Variants in MAP3K7CL observed in about 807,000 individuals in gnomAD.
The protein encoded by MAP3K7CL is MAP3K7 C-terminal-like protein.
MAP3K7CL carries 16 observed loss-of-function variants against 18.6 expected under a neutral mutation model. That is an observed-to-expected ratio of 0.86 (90% CI 0.58 to 1.31). The LOEUF is 1.31. Ranked by LOEUF, MAP3K7CL falls within the 50% of genes most tolerant of loss-of-function variation. The pLI, the probability that MAP3K7CL is intolerant of heterozygous loss-of-function variation, is 0.00. For synonymous variants in MAP3K7CL, 65 were observed against 66.8 expected, an observed-to-expected ratio of 0.97 and a Z score of 0.13; for missense variants, 163 against 174.4, an observed-to-expected ratio of 0.93 and a Z score of 0.37.
upstream of MAP3K7CL, among the ~76,000 whole-genome samples, chr21:29,126,208 C>T (rs1191550185): frequency 1.3e-5 from 2 of 152,172 alleles, no homozygotes; most frequent in African/African-American, 2.4e-5. Context: ...ACTGGATGTT[C>T]GATCTGGAGA....
upstream of MAP3K7CL, among the ~76,000 whole-genome samples, chr21:29,125,873 C>T (rs763181289): frequency 9.2e-5 from 14 of 152,156 alleles, no homozygotes; most frequent in Non-Finnish European, 1.3e-4. Flanking sequence ...GAACAGGTCC[C>T]GTGGCACTTT....
intron 4 of MAP3K7CL, among the ~76,000 whole-genome samples, chr21:29,120,559 C>T (rs908348716): frequency 3.9e-5 from 6 of 152,134 alleles, no homozygotes; most frequent in African/African-American, 1.4e-4. Flanking sequence ...GTATTTGCCC[C>T]ACATAATTCA....
intron 4 of MAP3K7CL, among the ~76,000 whole-genome samples, chr21:29,114,597 C>T (rs892438427): frequency 3.3e-5 from 5 of 151,362 alleles, no homozygotes; most frequent in Non-Finnish European, 5.9e-5. Flanking sequence ...TGCTATGTTG[C>T]CCAGGCTGGT....
chr21:29,091,556 G>T, exon 2 of MAP3K7CL: 3 of 701,492 alleles, frequency 4.3e-6, no homozygotes, highest in Non-Finnish European at 7.8e-6. Context: ...GCTCACTACA[G>T]CCCTGACCTC....
intron 3 of MAP3K7CL, among the ~76,000 whole-genome samples, chr21:29,151,590 A>G (rs961244750): frequency 1.4e-4 from 21 of 152,214 alleles, no homozygotes; most frequent in African/African-American, 4.6e-4. Flanking sequence ...TGTCAAAGCT[A>G]TTTTATTATC....
At chr21:29,099,815 G>A (rs1376075668) in intron 4 of MAP3K7CL, among the ~76,000 whole-genome samples, 1 of 152,118 alleles carries the variant, frequency 6.6e-6, no homozygotes, top group Non-Finnish European at 1.5e-5. Context: ...CGGGCGCAGT[G>A]GCTCACGCCT....
chr21:29,107,622 G>A lies in MAP3K7CL; in HGVS notation c.370+15041G>A, dbSNP rs549739052. Among the ~76,000 whole-genome samples the A allele has an allele frequency of 2.5e-4, 38 of 152,258 alleles. No homozygotes were observed. The South Asian group carries it at 6.0e-3, about 24-fold the overall frequency. ...CCCACCTGTCTTTGGAAGTTGTCAC[G>A]TGGGGATGTGGTATCTTGAGCTGCA... On this transcript the variant is annotated intron_variant, in intron 4 of 6. Coordinates refer to the MAP3K7CL transcript ENST00000286791.
chr21:29,120,041 T>C (rs2086566465), intron 4 of MAP3K7CL, among the ~76,000 whole-genome samples: 1 of 152,224 alleles, frequency 6.6e-6, no homozygotes, highest in South Asian at 2.1e-4. Context: ...TTTAGAATAT[T>C]GAACATTAGT....
chr21:29,091,857 T>TTG (rs2086035170), intron 3 of MAP3K7CL: 1 of 626,394 alleles, frequency 1.6e-6, no homozygotes, highest in Admixed American at 2.7e-5. Context: ...TATGTATTAA[T>TTG]TGTTTATACA....
At chr21:29,169,280 T>C (rs943764452) in intron 4 of MAP3K7CL, among the ~76,000 whole-genome samples, 1 of 152,174 alleles carries the variant, frequency 6.6e-6, no homozygotes, top group Non-Finnish European at 1.5e-5. Flanking sequence ...CCAATAGATA[T>C]TAGTACATTT....
At chr21:29,158,034 G>T (rs761291978) in intron 3 of MAP3K7CL, among the ~76,000 whole-genome samples, 1 of 152,168 alleles carries the variant, frequency 6.6e-6, no homozygotes, top group East Asian at 1.9e-4. Flanking sequence ...ACTGAGTATA[G>T]CCTGTGTGGT....
At chr21:29,077,307 G>A (rs1392478472), upstream of MAP3K7CL, among the ~76,000 whole-genome samples, 3 of 152,256 alleles carry the variant, frequency 2.0e-5, no homozygotes, top group Non-Finnish European at 4.4e-5. Context: ...CTGCCCTGCA[G>A]GAAGACAGCT....
intron 4 of MAP3K7CL, among the ~76,000 whole-genome samples, chr21:29,123,050 A>ATTTT (rs2086622524): frequency 2.3e-5 from 3 of 129,348 alleles, no homozygotes; most frequent in Admixed American, 1.7e-4. Flanking sequence ...TGGAGAAGAA[A>ATTTT]TGATCTTTTT....
chr21:29,119,076 T>C (rs2086550588), intron 4 of MAP3K7CL, among the ~76,000 whole-genome samples: 1 of 152,190 alleles, frequency 6.6e-6, no homozygotes, highest in Admixed American at 6.5e-5. Context: ...CCATGGAGGA[T>C]GAGGATTTGG....
At chr21:29,098,090 C>T (rs949153449) in intron 4 of MAP3K7CL, among the ~76,000 whole-genome samples, 1 of 152,136 alleles carries the variant, frequency 6.6e-6, no homozygotes, top group Non-Finnish European at 1.5e-5. Flanking sequence ...TGCCAAGAGG[C>T]ACATGAGGCT....
At chr21:29,114,650 C>G (rs2086475495) in intron 4 of MAP3K7CL, among the ~76,000 whole-genome samples, 1 of 152,166 alleles carries the variant, frequency 6.6e-6, no homozygotes, top group African/African-American at 2.4e-5. Context: ...CTTGGCTTCC[C>G]AAAGTGCTGG....
At chr21:29,167,513 G>T (rs1222516871) in intron 4 of MAP3K7CL, among the ~76,000 whole-genome samples, 1 of 147,388 alleles carries the variant, frequency 6.8e-6, no homozygotes, top group Non-Finnish European at 1.5e-5. Context: ...TTTATTCTGA[G>T]ATTTCTAATA....
chr21:29,116,476 C>T (rs2086507354), intron 4 of MAP3K7CL, among the ~76,000 whole-genome samples: 1 of 152,214 alleles, frequency 6.6e-6, no homozygotes, highest in Non-Finnish European at 1.5e-5. Flanking sequence ...TTCTTTCCTA[C>T]TGCCCATGTA....
chr21:29,125,456 G>A (rs746955597), intron 4 of MAP3K7CL, among the ~76,000 whole-genome samples: 1 of 152,116 alleles, frequency 6.6e-6, no homozygotes, highest in Non-Finnish European at 1.5e-5. Flanking sequence ...GAGCTTTGGG[G>A]GCACGAATGA....
Sources: allele counts gnomAD v4.1 joint callset (sites outside exome capture counted in the v4.1 genomes callset), GRCh38; gene constraint gnomAD v4.1.1; transcripts MANE v1.5; gene names NCBI Gene and HGNC (gene_info 2026-07-23, HGNC 2026-07-21).